The following SYTL5 variants were observed in gnomAD, a reference collection of about 807,000 sequenced individuals.
SYTL5 encodes the protein synaptotagmin like 5.
A neutral mutation model predicts 55.9 loss-of-function variants in SYTL5; 34 were observed. The ratio of observed to expected loss-of-function variants is 0.61; its 90% CI spans 0.46 to 0.81. SYTL5 has a LOEUF of 0.81. Ranked by LOEUF, SYTL5 falls within the 30% of genes least tolerant of loss-of-function variation. The pLI, the probability that SYTL5 is intolerant of heterozygous loss-of-function variation, is 0.00. For synonymous variants in SYTL5, 221 were observed against 188.7 expected, an observed-to-expected ratio of 1.17 and a Z score of -1.40; for missense variants, 637 against 546.7, an observed-to-expected ratio of 1.17 and a Z score of -1.65.
the SYTL5 span, among the ~76,000 whole-genome samples, chrX:37,918,209 G>T: frequency 8.9e-5 from 10 of 111,775 alleles, no homozygotes; most frequent in African/African-American, 3.2e-4. Context: ...TATGTGACTT[G>T]CTTTGGTGAA....
the SYTL5 span, among the ~76,000 whole-genome samples, chrX:37,892,114 T>A: frequency 9.0e-6 from 1 of 111,139 alleles, no homozygotes; most frequent in Non-Finnish European, 1.9e-5. Flanking sequence ...AGTGCATGAA[T>A]AAATAGGTCA....
intron 2 of SYTL5, among the ~76,000 whole-genome samples, chrX:38,042,055 A>T (rs1333862246): frequency 9.0e-6 from 1 of 110,695 alleles, no homozygotes; most frequent in South Asian, 3.9e-4. Context: ...GTCATAAGTA[A>T]GATTGTTACC....
At chrX:38,024,327 C>T (rs1934677788) in intron 1 of SYTL5, among the ~76,000 whole-genome samples, 1 of 110,967 alleles carries the variant, frequency 9.0e-6, no homozygotes, top group Non-Finnish European at 1.9e-5. Flanking sequence ...TGCCTGCCAC[C>T]ATGTAAGACG....
At chrX:38,047,574 C>G (rs779492937) in intron 2 of SYTL5, among the ~76,000 whole-genome samples, 3 of 112,784 alleles carry the variant, frequency 2.7e-5, no homozygotes, top group Non-Finnish European at 5.6e-5. Context: ...GGGGTTGCCG[C>G]AAAGGTCTCT....
At chrX:37,981,079 G>A in the SYTL5 span, among the ~76,000 whole-genome samples, 2 of 112,397 alleles carry the variant, frequency 1.8e-5, no homozygotes, top group South Asian at 7.4e-4. Flanking sequence ...ATAAAAGATA[G>A]AACCGTGAAT....
the SYTL5 span, among the ~76,000 whole-genome samples, chrX:37,931,010 T>G: frequency 8.9e-6 from 1 of 112,093 alleles, no homozygotes; most frequent in Non-Finnish European, 1.9e-5. Flanking sequence ...GGAAAATATA[T>G]TGTCTCTTGA....
the SYTL5 span, among the ~76,000 whole-genome samples, chrX:37,919,797 C>G: frequency 1.8e-5 from 2 of 112,360 alleles, no homozygotes; most frequent in Admixed American, 9.5e-5. Context: ...ATTTTTGTAA[C>G]CTTTTTGTGT....
intron 7 of SYTL5, among the ~76,000 whole-genome samples, chrX:38,093,546 G>T (rs1217307809): frequency 9.0e-6 from 1 of 111,121 alleles, no homozygotes; most frequent in East Asian, 2.8e-4. Flanking sequence ...CAGGGCAAAG[G>T]TCACAGACAA....
chrX:38,002,494 G>C (rs966988253), upstream of SYTL5, among the ~76,000 whole-genome samples: 1 of 111,824 alleles, frequency 8.9e-6, no homozygotes, highest in African/African-American at 3.3e-5. Context: ...GTGTAAAAGT[G>C]TTCCTATTTC....
At chrX:37,939,220 C>A in the SYTL5 span, among the ~76,000 whole-genome samples, 1 of 105,956 alleles carries the variant, frequency 9.4e-6, no homozygotes, top group South Asian at 4.4e-4. Context: ...GAGATCGCAC[C>A]ATTGCACTCC....
the SYTL5 span, among the ~76,000 whole-genome samples, chrX:37,960,766 TTTTATTTATTTATTTA>T: frequency 3.1e-3 from 249 of 80,812 alleles, 3 homozygotes; most frequent in East Asian, 0.079. Flanking sequence ...TCCAGATTAT[TTTTATTTATTTATTTA>T]TTTATTTATT....
At chrX:38,036,008 T>C (rs940401571) in intron 2 of SYTL5, among the ~76,000 whole-genome samples, 67 of 110,376 alleles carry the variant, frequency 6.1e-4, no homozygotes, top group Non-Finnish European at 2.7e-4. Flanking sequence ...ATCAATAACT[T>C]GTATTAATAA....
the SYTL5 span, among the ~76,000 whole-genome samples, chrX:37,895,421 C>A: frequency 4.0e-4 from 34 of 84,987 alleles, no homozygotes; most frequent in African/African-American, 2.3e-3. Flanking sequence ...TCCTTCCTTC[C>A]TTCCTTCCTT....
At chrX:38,124,238 C>T (rs1320737355) in intron 15 of SYTL5, among the ~76,000 whole-genome samples, 1 of 111,653 alleles carries the variant, frequency 9.0e-6, no homozygotes, top group Non-Finnish European at 1.9e-5. Context: ...GCTATTCCAG[C>T]TGCAAGGGAG....
chrX:38,108,570 A>G (rs1186027651), intron 11 of SYTL5, 30 bp from the exon 12 acceptor site: 1 of 1,053,682 alleles, frequency 9.5e-7, no homozygotes, highest in East Asian at 3.3e-5. Flanking sequence ...ATGTTTCACA[A>G]TAATTACATT....
At chrX:37,927,737 T>C in the SYTL5 span, among the ~76,000 whole-genome samples, 1 of 110,726 alleles carries the variant, frequency 9.0e-6, no homozygotes, top group Non-Finnish European at 1.9e-5. Context: ...GATTGTACCA[T>C]TGCACTCCAG....
Position 38,073,692 on chromosome X carries a change from G to T in SYTL5, c.548G>T (p.Arg183Ile). ...AAGGCCAGCCATGATGGGCCCAAGA[G>T]AAAGGGGTAAGACATGGTCTTTCTG... ...GKKASHDGPK[R>I]KGFLLSKFRS... is the part of the protein sequence containing the mutation. Residue 183 changes from arginine to isoleucine, a missense_variant, in exon 5 of 17, where the codon AGA becomes ATA. Transcript: ENST00000297875. 8.5e-7 allele frequency: 1 copy of T among 1,173,538 alleles called. No homozygotes were observed. The highest frequency in any genetic ancestry group is 1.2e-6 in the Non-Finnish European group (1 of 868,323).
intron 6 of SYTL5, among the ~76,000 whole-genome samples, chrX:38,086,856 C>T (rs1277593179): frequency 1.8e-5 from 2 of 111,637 alleles, no homozygotes; most frequent in Non-Finnish European, 3.8e-5. Context: ...TTGAGAAGCT[C>T]ACAGTAAATG....
rs9698626 is a variant in SYTL5, at chrX:38,095,175, C to T, written c.961+751C>T. The stretch of plus-strand genomic sequence containing the variant: ...GGGGTCTCTTCTAGCCAGCCAGCTC[C>T]CAAAGGATTTTCTAAATGTGTGTGG... On this transcript the variant is annotated intron_variant, in intron 8 of 16. Coordinates refer to ENST00000297875, the MANE Select transcript of SYTL5 (RefSeq NM_138780.3). Among the ~76,000 whole-genome samples, 393 of 111,461 alleles carry T rather than the reference C, an allele frequency of 3.5e-3. 5 individuals carry two copies. The highest frequency in any genetic ancestry group is 0.012 in the African/African-American group (373 of 30,723).
Sources: allele counts gnomAD v4.1 joint callset (sites outside exome capture counted in the v4.1 genomes callset), GRCh38; gene constraint gnomAD v4.1.1; transcripts MANE v1.5; gene names NCBI Gene and HGNC (gene_info 2026-07-23, HGNC 2026-07-21).